The following GSE1 variants were observed in gnomAD, a reference collection of about 807,000 sequenced individuals.
GSE1 encodes the protein genetic suppressor element 1.
A neutral mutation model predicts 112.6 loss-of-function variants in GSE1; 32 were observed. That is an observed-to-expected ratio of 0.28 (90% CI 0.21 to 0.38). The LOEUF (loss-of-function observed/expected upper bound fraction) is 0.38, where lower values mean the gene tolerates loss of function less well. Ranked by LOEUF, GSE1 falls within the 10% of genes least tolerant of loss-of-function variation. The pLI is 1.00. For synonymous variants in GSE1, 1,115 were observed against 735.6 expected, an observed-to-expected ratio of 1.52 and a Z score of -8.35; for missense variants, 2,348 against 1,699.2, an observed-to-expected ratio of 1.38 and a Z score of -6.71.
chr16:85,350,940 C>T (rs546503297), intron 1 of GSE1, among the ~76,000 whole-genome samples: 9 of 152,296 alleles, frequency 5.9e-5, no homozygotes, highest in African/African-American at 9.6e-5. Context: ...CTACCGTGCC[C>T]GGCTAATTAT....
chr16:85,388,984 AAAG>A (rs2047770112), intron 2 of GSE1, among the ~76,000 whole-genome samples: 1 of 152,190 alleles, frequency 6.6e-6, no homozygotes, highest in Non-Finnish European at 1.5e-5. Context: ...GAAGGAAAAA[AAAG>A]AGAGAGAAAT....
At chr16:85,422,055 A>G (rs2151741103) in intron 2 of GSE1, among the ~76,000 whole-genome samples, 1 of 152,232 alleles carries the variant, frequency 6.6e-6, no homozygotes, top group South Asian at 2.1e-4. Flanking sequence ...GCCCATGTAC[A>G]GGAACAGCCC....
chr16:85,257,775 A>G (rs756139223), intron 1 of GSE1, among the ~76,000 whole-genome samples: 1 of 152,236 alleles, frequency 6.6e-6, no homozygotes, highest in East Asian at 1.9e-4. Context: ...CGATGGCATC[A>G]TTGCCTGGGC....
chr16:85,657,266 T>G lies in GSE1; in HGVS notation c.1313-11T>G. On this transcript the variant is annotated splice_polypyrimidine_tract_variant and intron_variant, in intron 7 of 15. Transcript: ENST00000253458. ...GGCTGAGATCCTGCTTGACCGTGTT[T>G]CCCCCCACAGAGAAGCTGAAGGATG... 6.6e-7 allele frequency: 1 copy of G among 1,517,148 alleles called. No homozygotes were observed. The highest frequency in any genetic ancestry group is 1.3e-5 in the South Asian group (1 of 77,784). 94.0% of individuals were successfully genotyped at this position (1,517,148 alleles called of 1,614,324 possible).
chr16:85,653,823 G>A lies in GSE1; in HGVS notation c.427-455G>A, dbSNP rs141922278. On this transcript the variant is annotated intron_variant, in intron 3 of 15. Coordinates refer to ENST00000253458, the MANE Select transcript of GSE1 (RefSeq NM_014615.5). ...ATCTGCGGCCAGGTGGGCAGCTGTC[G>A]GCGCAGTTGACGTCTTGGCTACATC... Among the ~76,000 whole-genome samples the A allele has an allele frequency of 3.1e-3, 471 of 152,326 alleles. 1 individual carries two copies. The highest frequency in any genetic ancestry group is 0.011 in the African/African-American group (439 of 41,568).
At chr16:85,173,678 C>G (rs1455636931) in intron 1 of GSE1, among the ~76,000 whole-genome samples, 1 of 152,202 alleles carries the variant, frequency 6.6e-6, no homozygotes, top group East Asian at 1.9e-4. Context: ...TGTATTTTCT[C>G]ATGTGGATTT....
intron 1 of GSE1, among the ~76,000 whole-genome samples, chr16:85,357,206 C>T (rs2046967950): frequency 6.6e-6 from 1 of 152,158 alleles, no homozygotes; most frequent in Admixed American, 6.5e-5. Flanking sequence ...GAAGATGGGG[C>T]TGTGTGGGTG....
At chr16:85,384,506 G>A (rs1391107318) in intron 2 of GSE1, among the ~76,000 whole-genome samples, 1 of 152,236 alleles carries the variant, frequency 6.6e-6, no homozygotes. Context: ...GGGTCCTGCA[G>A]TGTGTGCAGC....
rs906542760 is a variant in GSE1, at chr16:85,674,359, C to G, written c.*1820C>G. ...ACGAATGTACCGCCAGTATTATCAG[C>G]AGTCAACAAGCACCTTCCTCTCCAC... On this transcript the variant is annotated 3_prime_UTR_variant, in exon 16 of 16. Coordinates refer to ENST00000253458, the MANE Select transcript of GSE1 (RefSeq NM_014615.5). The G allele has an allele frequency of 6.6e-6, 1 of 152,286 alleles. No individual in the cohort carries two copies. Among genetic ancestry groups the G allele is most frequent in the Non-Finnish European group, 1.5e-5 (1 of 68,074 alleles). 9.4% of individuals were successfully genotyped at this position (152,286 alleles called of 1,614,324 possible). A position where few individuals can be genotyped will look rare whatever the true frequency, so the allele number is the denominator to read the frequency against.
chr16:85,192,545 C>T (rs1211007578), intron 1 of GSE1, among the ~76,000 whole-genome samples: 2 of 152,222 alleles, frequency 1.3e-5, no homozygotes, highest in Non-Finnish European at 2.9e-5. Flanking sequence ...GTGAGTGGCT[C>T]TGCAGGAGCC....
chr16:85,509,136 G>T (rs1450269986), intron 2 of GSE1, among the ~76,000 whole-genome samples: 1 of 152,230 alleles, frequency 6.6e-6, no homozygotes, highest in Non-Finnish European at 1.5e-5. Flanking sequence ...TGGAAGGCCG[G>T]GCAGAGCGGG....
At chr16:85,494,365 T>C (rs2051103771) in intron 2 of GSE1, among the ~76,000 whole-genome samples, 1 of 152,244 alleles carries the variant, frequency 6.6e-6, no homozygotes, top group Admixed American at 6.5e-5. Context: ...CCCAGTCATG[T>C]TGGACTTGGG....
chr16:85,575,945 A>T (rs1448238181), intron 1 of GSE1, among the ~76,000 whole-genome samples: 2 of 138,732 alleles, frequency 1.4e-5, no homozygotes, highest in Non-Finnish European at 3.1e-5. Context: ...AATGTGTCTG[A>T]CAGCTGTCTT....
chr16:85,653,144 T>G (rs1484242817), intron 3 of GSE1, among the ~76,000 whole-genome samples: 1 of 121,478 alleles, frequency 8.2e-6, no homozygotes, highest in Non-Finnish European at 1.7e-5. Context: ...CCATCCAGAG[T>G]CCAGAGCACA....
intron 2 of GSE1, among the ~76,000 whole-genome samples, chr16:85,528,638 T>TTTGTGTTTTG (rs2052441614): frequency 1.4e-5 from 2 of 145,082 alleles, no homozygotes; most frequent in African/African-American, 5.2e-5. Flanking sequence ...GGATTGCTGT[T>TTTGTGTTTTG]TTTTGTTTTG....
At chr16:85,300,873 C>T (rs1363824471) in intron 1 of GSE1, among the ~76,000 whole-genome samples, 4 of 152,210 alleles carry the variant, frequency 2.6e-5, no homozygotes, top group Non-Finnish European at 5.9e-5. Flanking sequence ...ACTCACGCCC[C>T]ATACCTTGAA....
intron 2 of GSE1, among the ~76,000 whole-genome samples, chr16:85,390,153 C>T (rs1036040814): frequency 6.6e-6 from 1 of 152,204 alleles, no homozygotes; most frequent in Non-Finnish European, 1.5e-5. Context: ...ACAAAGGGAA[C>T]TGTGTATTCT....
At chr16:85,393,788 C>T (rs568263985) in intron 2 of GSE1, among the ~76,000 whole-genome samples, 2 of 152,348 alleles carry the variant, frequency 1.3e-5, no homozygotes, top group East Asian at 3.9e-4. Context: ...TCTATCTATT[C>T]CCCCACTGCC....
upstream of GSE1, among the ~76,000 whole-genome samples, chr16:85,552,401 G>C (rs1366720103): frequency 1.4e-4 from 16 of 113,806 alleles, 3 homozygotes; most frequent in African/African-American, 4.2e-4. Context: ...GCGCGATCTC[G>C]GCTCACTGCA....
Sources: gnomAD v4.1 joint callset for allele counts (sites outside exome capture counted in the v4.1 genomes callset) on GRCh38, gnomAD v4.1.1 for gene constraint, MANE v1.5 for transcripts, NCBI Gene and HGNC (gene_info 2026-07-23, HGNC 2026-07-21) for gene names.